Variants in ENAH observed in about 807,000 individuals in gnomAD.
ENAH encodes protein enabled homolog.
In ENAH, 23 loss-of-function variants were observed where a neutral mutation model predicts 78.7. The ratio of observed to expected loss-of-function variants is 0.29; its 90% CI spans 0.21 to 0.41. The LOEUF is 0.41. Among genes scored for constraint, ENAH ranks in the 10% least tolerant of loss-of-function variants. ENAH has a pLI of 1.00. For synonymous variants in ENAH, 226 were observed against 241.0 expected, an observed-to-expected ratio of 0.94 and a Z score of 0.58; for missense variants, 544 against 691.0, an observed-to-expected ratio of 0.79 and a Z score of 2.39.
intron 3 of ENAH, among the ~76,000 whole-genome samples, chr1:225,542,513 A>C (rs1037323071): frequency 4.6e-5 from 7 of 152,206 alleles, no homozygotes; most frequent in Non-Finnish European, 8.8e-5. Flanking sequence ...TGCCTTCTCT[A>C]TCTCTCTGCG....
intron 1 of ENAH, among the ~76,000 whole-genome samples, chr1:225,608,235 A>AAAAAAAAAAAT (rs2096967181): frequency 6.6e-6 from 1 of 150,986 alleles, no homozygotes. Flanking sequence ...AAAAAAAAAA[A>AAAAAAAAAAAT]AAAGACAAAA....
At chr1:225,586,121 C>T (rs2096844931) in intron 1 of ENAH, among the ~76,000 whole-genome samples, 2 of 151,660 alleles carry the variant, frequency 1.3e-5, no homozygotes, top group South Asian at 4.2e-4. Context: ...GAAGATGAGG[C>T]TGGAGGATCA....
At chr1:225,593,400 T>TGGGGGG (rs1456095465) in intron 1 of ENAH, among the ~76,000 whole-genome samples, 3 of 20,462 alleles carry the variant, frequency 1.5e-4, no homozygotes, top group African/African-American at 2.1e-4. Context: ...TGTGTGTGTG[T>TGGGGGG]GGGGGGGGGG....
intron 1 of ENAH, among the ~76,000 whole-genome samples, chr1:225,609,657 T>C (rs2096977104): frequency 2.4e-5 from 1 of 41,464 alleles, no homozygotes; most frequent in Non-Finnish European, 5.1e-5. Context: ...GAAAAATGGA[T>C]TTTTTTTTTT....
chr1:225,552,040 G>T (rs1237004104), intron 3 of ENAH, among the ~76,000 whole-genome samples: 2 of 151,900 alleles, frequency 1.3e-5, no homozygotes, highest in African/African-American at 4.8e-5. Context: ...TAAAGGGGAG[G>T]TGGCCCATAT....
intron 1 of ENAH, among the ~76,000 whole-genome samples, chr1:225,585,190 T>C (rs2147802333): frequency 9.0e-6 from 1 of 111,184 alleles, no homozygotes; most frequent in East Asian, 3.1e-4. Flanking sequence ...CACTCCCATC[T>C]GGGCGACGGA....
intron 1 of ENAH, among the ~76,000 whole-genome samples, chr1:225,578,202 A>G (rs1485343602): frequency 6.6e-6 from 1 of 152,212 alleles, no homozygotes; most frequent in Non-Finnish European, 1.5e-5. Context: ...CAGTGGCTCT[A>G]ACCTGCAATC....
intron 11 of ENAH, among the ~76,000 whole-genome samples, chr1:225,503,390 A>G (rs1386531421): frequency 6.6e-6 from 1 of 151,994 alleles, no homozygotes; most frequent in African/African-American, 2.4e-5. Flanking sequence ...CCTGGCCTCA[A>G]GTCTTCTTCC....
rs527600836 is a variant in ENAH at position 225,492,497 on chromosome 1, G to C, written c.*5278C>G. 1 of 152,314 alleles carries C rather than the reference G, an allele frequency of 6.6e-6. No individual in the cohort carries two copies. Among genetic ancestry groups the C allele is most frequent in the East Asian group, 1.9e-4 (1 of 5,182 alleles). The allele number at this position is 152,314 out of a possible 1,614,324, so 9.4% of individuals were successfully genotyped here. A position where few individuals can be genotyped will look rare whatever the true frequency, so the allele number is the denominator to read the frequency against. Reference sequence around the variant, plus strand: ...TTCTCCCTCTGCCTAGAATTCCTGTGTCCTACACCAGAAGCGTCTACGGGC... The same window carrying C: ...TTCTCCCTCTGCCTAGAATTCCTGTCTCCTACACCAGAAGCGTCTACGGGC... On this transcript the variant is annotated 3_prime_UTR_variant, in exon 14 of 14. Coordinates refer to ENST00000366843, the MANE Select transcript of ENAH (RefSeq NM_018212.6).
chr1:225,564,108 T>C (rs1018437976), intron 2 of ENAH, among the ~76,000 whole-genome samples: 2 of 152,142 alleles, frequency 1.3e-5, no homozygotes, highest in South Asian at 4.1e-4. Context: ...TGTTTGATTC[T>C]GCAAGTTTTT....
intron 3 of ENAH, among the ~76,000 whole-genome samples, chr1:225,553,063 A>T (rs1344064804): frequency 6.6e-6 from 1 of 152,122 alleles, no homozygotes; most frequent in Non-Finnish European, 1.5e-5. Flanking sequence ...GTGAAACGCC[A>T]TCTCTATTAA....
At position 225,487,738 on chromosome 1, in the gene ENAH, G is replaced by T. The variant is rs1321189172; in HGVS notation, c.*10037C>A. ...CATTGTTAGCAAAGAAAATAGCTCTGCATAATCTTTTGACATACATGCACA... is the reference window on the plus strand; with the variant it reads ...CATTGTTAGCAAAGAAAATAGCTCTTCATAATCTTTTGACATACATGCACA... On this transcript the variant is annotated 3_prime_UTR_variant, in exon 14 of 14. Transcript: ENST00000366843. 1 of 152,174 alleles carries T rather than the reference G, an allele frequency of 6.6e-6. No individual in the cohort carries two copies. Among genetic ancestry groups the T allele is most frequent in the Non-Finnish European group, 1.5e-5 (1 of 68,042 alleles). 9.4% of individuals were successfully genotyped at this position (152,174 alleles called of 1,614,324 possible). A position where few individuals can be genotyped will look rare whatever the true frequency, so the allele number is the denominator to read the frequency against.
chr1:225,505,147 C>A, intron 11 of ENAH: 14 of 847,226 alleles, frequency 1.7e-5, no homozygotes, highest in Admixed American at 4.8e-5. Context: ...TAATAGCAAA[C>A]AAAACAAGAA....
rs541280091 is a variant in ENAH at position 225,641,036 on chromosome 1, T to A, written c.5+11650A>T. ...CCGCCACCACGCCTGACTAATTTTT[T>A]GTATTTTTAGTAGAGACAGGGTTTC... On this transcript the variant is annotated intron_variant, in intron 1 of 13. Coordinates refer to ENST00000366843, the MANE Select transcript of ENAH (RefSeq NM_018212.6). Among the ~76,000 whole-genome samples the A allele has an allele frequency of 2.8e-4, 42 of 152,078 alleles. 1 individual carries two copies. The highest frequency in any genetic ancestry group is 1.0e-3 in the African/African-American group (42 of 41,494).
intron 1 of ENAH, among the ~76,000 whole-genome samples, chr1:225,603,041 A>C (rs954447941): frequency 6.6e-6 from 1 of 152,112 alleles, no homozygotes; most frequent in African/African-American, 2.4e-5. Context: ...CAACAGTAAG[A>C]GATATGAGCA....
chr1:225,631,185 G>A (rs1386155581), intron 1 of ENAH, among the ~76,000 whole-genome samples: 34 of 152,076 alleles, frequency 2.2e-4, no homozygotes. Context: ...TTGTTGCATA[G>A]CAACAAGATT....
In ENAH at chr1:225,581,300, T is replaced by C. The variant is rs918728170; in HGVS notation, c.6-13886A>G. 52 of 984,836 alleles carry C rather than the reference T, an allele frequency of 5.3e-5. 1 individual carries two copies. The African/African-American group carries it at 8.5e-4, about 16-fold the overall frequency. The allele number at this position is 984,836 out of a possible 1,614,324, so 61.0% of individuals were successfully genotyped here. On this transcript the variant is annotated intron_variant, in intron 1 of 13. Transcript: ENST00000366843. ...CTCACATTATTTTCATGAAGTTATA[T>C]GGCAAAGCCTCTCAAAATACTTTCC...
At chr1:225,570,959 G>A (rs745479405) in intron 1 of ENAH, among the ~76,000 whole-genome samples, 7 of 152,044 alleles carry the variant, frequency 4.6e-5, no homozygotes, top group South Asian at 2.1e-4. Context: ...GCGAAACTCC[G>A]TCTCAAAAAG....
chr1:225,599,237 C>A (rs1398915012), intron 1 of ENAH, among the ~76,000 whole-genome samples: 1 of 151,728 alleles, frequency 6.6e-6, no homozygotes, highest in Non-Finnish European at 1.5e-5. Flanking sequence ...GAAAGAAAAA[C>A]AAAGCTAAAG....
Sources: gnomAD v4.1 joint callset for allele counts (sites outside exome capture counted in the v4.1 genomes callset) on GRCh38, gnomAD v4.1.1 for gene constraint, MANE v1.5 for transcripts, NCBI Gene and HGNC (gene_info 2026-07-23, HGNC 2026-07-21) for gene names.